Variants in ZMYM5 observed in about 807,000 individuals in gnomAD.
The protein encoded by ZMYM5 is zinc finger MYM-type protein 5.
Under a neutral mutation model 61.8 loss-of-function variants are expected in ZMYM5, and 41 were observed. The ratio of observed to expected loss-of-function variants is 0.66; its 90% CI spans 0.52 to 0.86. The LOEUF is 0.86. Among genes scored for constraint, ZMYM5 ranks in the 40% least tolerant of loss-of-function variants. The pLI, the probability that ZMYM5 is intolerant of heterozygous loss-of-function variation, is 0.00. For synonymous variants in ZMYM5, 257 were observed against 276.4 expected (o/e 0.93, Z 0.70); for missense variants, 706 against 786.7 (o/e 0.90, Z 1.23).
chr13:19,852,283 A>AT (rs1953344291), intron 2 of ZMYM5, 93 bp from the exon 3 acceptor site: 4 of 1,306,460 alleles, frequency 3.1e-6, no homozygotes, highest in South Asian at 1.7e-5. Flanking sequence ...TTTTCAAATT[A>AT]TTTTTTGTGA....
chr13:19,841,449 C>T lies in ZMYM5; in HGVS notation c.587-2464G>A, dbSNP rs551434415. On this transcript the variant is annotated intron_variant, in intron 4 of 7. Coordinates refer to ENST00000337963, the MANE Select transcript of ZMYM5 (RefSeq NM_001142684.2). Reference sequence around the variant, plus strand: ...CACATATTCAATAGGGAAAAACAGCCCCAATTCTTCTCTCAGATCTTGGAA... The same window carrying T: ...CACATATTCAATAGGGAAAAACAGCTCCAATTCTTCTCTCAGATCTTGGAA... Among the ~76,000 whole-genome samples the T allele has an allele frequency of 1.2e-4, 18 of 152,190 alleles. No homozygotes were observed. In the South Asian group the frequency reaches 2.7e-3, roughly 23 times the overall value.
intron 4 of ZMYM5, among the ~76,000 whole-genome samples, chr13:19,847,803 A>ATTTTTTTTTTTTTTTTTTT (rs34176871): frequency 1.3e-5 from 1 of 79,894 alleles, no homozygotes; most frequent in Non-Finnish European, 2.2e-5. Flanking sequence ...TGCCCGGCTA[A>ATTTTTTTTTTTTTTTTTTT]TTTTTTTTTT....
chr13:19,839,501 G>C (rs962604689), intron 4 of ZMYM5, among the ~76,000 whole-genome samples: 1 of 151,618 alleles, frequency 6.6e-6, no homozygotes, highest in Admixed American at 6.6e-5. Flanking sequence ...CGATTTTCCT[G>C]CCTCAGCCTC....
chr13:19,838,932 C>A lies in ZMYM5; in HGVS notation c.640G>T (p.Val214Leu), dbSNP rs776246574. ...AAGGCCACTGGTGATAAAGAATCCA[C>A]CCCTGGCTGTTTCTGATTACTGGGA... ...SFPSNQKQPG[V>L]DSLSPVALLR... Residue 214 changes from valine (V) to leucine (L), a missense_variant, in exon 5 of 8, where the codon GTG (valine) becomes TTG (leucine). Physicochemically the swap from Val to Leu is conservative, Grantham distance 32. Coordinates refer to ENST00000337963, the MANE Select transcript of ZMYM5 (RefSeq NM_001142684.2). The A allele has an allele frequency of 6.2e-7, 1 of 1,614,132 alleles. No individual in the cohort carries two copies. Among genetic ancestry groups the A allele is most frequent in the Non-Finnish European group, 8.5e-7 (1 of 1,180,034 alleles).
At chr13:19,839,009 A>G in intron 4 of ZMYM5, 24 bp from the exon 5 acceptor site, 1 of 1,593,544 alleles carries the variant, frequency 6.3e-7, no homozygotes. Context: ...CAAGAAAAAA[A>G]TCATGGAACA....
chr13:19,845,894 C>T (rs148901636), intron 4 of ZMYM5, among the ~76,000 whole-genome samples: 69 of 152,290 alleles, frequency 4.5e-4, no homozygotes, highest in African/African-American at 1.6e-3. Context: ...ATTACGTAGG[C>T]ATGACTCATT....
At chr13:19,832,803 T>A (rs554717725) in intron 7 of ZMYM5, among the ~76,000 whole-genome samples, 7 of 152,162 alleles carry the variant, frequency 4.6e-5, no homozygotes, top group African/African-American at 1.4e-4. Context: ...CTCATTCTGT[T>A]GCCCAGGGTG....
At chr13:19,839,031 A>G (rs1179843206) in intron 4 of ZMYM5, 46 bp from the exon 5 acceptor site, 6 of 1,577,872 alleles carry the variant, frequency 3.8e-6, no homozygotes, top group Non-Finnish European at 2.6e-6. Flanking sequence ...ATCAAAATGT[A>G]CATCAGAAAA....
In ZMYM5 at chr13:19,838,952, C is replaced by G; in HGVS notation, c.620G>C (p.Ser207Thr). Residue 207 changes from serine (S) to threonine (T), a missense_variant, in exon 5 of 8, where the codon AGT (serine) becomes ACT (threonine). Physicochemically the swap from Ser to Thr is moderately conservative, Grantham distance 58. This residue lies in a region of ZMYM5 where 480 missense variants were observed against 461.7 expected (regional missense o/e 1.04). Coordinates refer to ENST00000337963, the MANE Select transcript of ZMYM5 (RefSeq NM_001142684.2). ...SWISQSASFP[S>T]NQKQPGVDSL... ...ATCCACCCCTGGCTGTTTCTGATTA[C>G]TGGGAAATGAAGCTGACTGGGAGAT... 6.2e-7 allele frequency: 1 copy of G among 1,613,730 alleles called. No individual in the cohort carries two copies.
intron 4 of ZMYM5, 107 bp from the exon 5 acceptor site, chr13:19,839,092 T>C (rs1952772808): frequency 7.2e-7 from 1 of 1,387,366 alleles, no homozygotes; most frequent in East Asian, 2.3e-5. Flanking sequence ...GGCAGGCGTA[T>C]AAACATGTGG....
intron 7 of ZMYM5, among the ~76,000 whole-genome samples, chr13:19,827,311 A>C (rs1890961957): frequency 6.6e-6 from 1 of 152,208 alleles, no homozygotes; most frequent in African/African-American, 2.4e-5. Flanking sequence ...ATATGAAGAG[A>C]GAGCTCTAAT....
chr13:19,851,499 T>C, intron 3 of ZMYM5, 51 bp from the exon 4 acceptor site: 1 of 1,594,908 alleles, frequency 6.3e-7, no homozygotes, highest in Non-Finnish European at 8.6e-7. Context: ...CCAAAATTAC[T>C]TGACTGAAGT....
chr13:19,834,693 C>A (rs1172409217), intron 7 of ZMYM5, among the ~76,000 whole-genome samples: 2 of 150,026 alleles, frequency 1.3e-5, no homozygotes, highest in Non-Finnish European at 3.0e-5. Flanking sequence ...CCAGGAGTAA[C>A]CTTTTTCTTT....
chr13:19,828,554 G>T (rs1425184877), intron 7 of ZMYM5, among the ~76,000 whole-genome samples: 1 of 152,130 alleles, frequency 6.6e-6, no homozygotes, highest in African/African-American at 2.4e-5. Context: ...TTGTACTTTG[G>T]AAAGATTGCT....
chr13:19,846,598 C>T (rs1953081251), intron 4 of ZMYM5, among the ~76,000 whole-genome samples: 1 of 151,986 alleles, frequency 6.6e-6, no homozygotes, highest in South Asian at 2.1e-4. Flanking sequence ...CCACCATGAA[C>T]TTGACAGCTT....
intron 2 of ZMYM5, among the ~76,000 whole-genome samples, chr13:19,855,546 G>A (rs1330277438): frequency 6.6e-6 from 1 of 151,280 alleles, no homozygotes; most frequent in Non-Finnish European, 1.5e-5. Context: ...ACAGGCATGA[G>A]CCACCGCGCC....
intron 7 of ZMYM5, among the ~76,000 whole-genome samples, chr13:19,831,663 G>C (rs150787245): frequency 1.9e-3 from 290 of 151,212 alleles, no homozygotes; most frequent in African/African-American, 6.7e-3. Context: ...AGCAGGGCAT[G>C]GTGATGCGCA....
At chr13:19,829,696 T>C (rs1891107986) in intron 7 of ZMYM5, among the ~76,000 whole-genome samples, 1 of 152,148 alleles carries the variant, frequency 6.6e-6, no homozygotes, top group Non-Finnish European at 1.5e-5. Flanking sequence ...CTGGGCTCAA[T>C]TGACCCTCTC....
chr13:19,853,759 T>C (rs965814586), intron 2 of ZMYM5, among the ~76,000 whole-genome samples: 5 of 151,892 alleles, frequency 3.3e-5, no homozygotes, highest in African/African-American at 1.2e-4. Context: ...TTTTTGTATT[T>C]TTGCTAGCGA....
Sources: gnomAD v4.1 joint callset for allele counts (sites outside exome capture counted in the v4.1 genomes callset) on GRCh38, gnomAD v4.1.1 for gene constraint, gnomAD v4.1.1 regional missense constraint, MANE v1.5 for transcripts, NCBI Gene and HGNC (gene_info 2026-07-23, HGNC 2026-07-21) for gene names.